The following HERC4 variants were observed in gnomAD, a reference collection of about 807,000 sequenced individuals.
The protein encoded by HERC4 is probable E3 ubiquitin-protein ligase HERC4.
Under a neutral mutation model 124.3 loss-of-function variants are expected in HERC4, and 28 were observed. That is an observed-to-expected ratio of 0.23 (90% CI 0.17 to 0.31). The LOEUF is 0.31. Among genes scored for constraint, HERC4 ranks in the 10% least tolerant of loss-of-function variants. The pLI is 1.00. For missense variants in HERC4, 713 were observed against 1,229.3 expected, an observed-to-expected ratio of 0.58 and a Z score of 6.28; for synonymous variants, 407 against 421.5, an observed-to-expected ratio of 0.97 and a Z score of 0.42.
chr10:67,958,610 A>C (rs1589180859), intron 16 of HERC4, among the ~76,000 whole-genome samples: 1 of 152,362 alleles, frequency 6.6e-6, no homozygotes, highest in Non-Finnish European at 1.5e-5. Context: ...AGGGTTGTTG[A>C]TTACTTAAAC....
At chr10:67,977,899 T>C (rs2035690307) in intron 15 of HERC4, among the ~76,000 whole-genome samples, 2 of 151,964 alleles carry the variant, frequency 1.3e-5, no homozygotes, top group Non-Finnish European at 2.9e-5. Flanking sequence ...GAGGACTGCT[T>C]GAGCCTGGGA....
At chr10:67,962,571 G>C (rs1471176703) in intron 16 of HERC4, among the ~76,000 whole-genome samples, 3 of 151,940 alleles carry the variant, frequency 2.0e-5, no homozygotes, top group Non-Finnish European at 2.9e-5. Context: ...GAGATGATTA[G>C]ACATTAGGTA....
Position 68,072,869 on chromosome 10 carries a change from A to G in HERC4, c.226+14T>C. ...TTATTAAAAATAGCAAATTTTAAAA[A>G]CATTTCAACTTACCTGGTTTCTTTC... On this transcript the variant is annotated intron_variant, in intron 3 of 24. Coordinates refer to ENST00000373700, the MANE Select transcript of HERC4 (RefSeq NM_015601.4). 9 of 1,520,784 alleles carry G rather than the reference A, an allele frequency of 5.9e-6. No homozygotes were observed. Among genetic ancestry groups the G allele is most frequent in the Non-Finnish European group, 8.0e-6 (9 of 1,129,950 alleles). 94.2% of individuals were successfully genotyped at this position (1,520,784 alleles called of 1,614,324 possible).
At chr10:67,954,885 A>G in intron 18 of HERC4, 78 bp downstream of exon 18, 1 of 1,376,054 alleles carries the variant, frequency 7.3e-7, no homozygotes, top group Non-Finnish European at 9.7e-7. Flanking sequence ...TAAAAGATTC[A>G]CTAAAAACAA....
rs762244426 is a variant in HERC4, at chr10:68,073,004, C to T, written c.105G>A (p.Arg35=). 2.5e-6 allele frequency: 4 copies of T among 1,613,786 alleles called. No individual in the cohort carries two copies. The East Asian group carries it at 8.9e-5, about 36-fold the overall frequency. The change falls in exon 3 of 25, where the codon AGG becomes AGA. Residue 35 remains arginine, a synonymous_variant. Coordinates refer to ENST00000373700, the MANE Select transcript of HERC4 (RefSeq NM_015601.4). The stretch of plus-strand genomic sequence containing the variant: ...TGAGTCCACATCCTACATCTCGGAC[C>T]CTTTTATTTATAAAGAAGTCACTTT... The part of the protein sequence containing the change: ...PRKSDFFINK[R]VRDVGCGLRH...
intron 19 of HERC4, among the ~76,000 whole-genome samples, chr10:67,950,830 A>AACT (rs1360076686): frequency 6.6e-6 from 1 of 152,178 alleles, no homozygotes; most frequent in African/African-American, 2.4e-5. Flanking sequence ...AACCCAGTAG[A>AACT]ACTACTGACT....
chr10:67,981,903 T>C (rs2035955391), intron 15 of HERC4, among the ~76,000 whole-genome samples: 2 of 152,104 alleles, frequency 1.3e-5, no homozygotes, highest in African/African-American at 4.8e-5. Context: ...ATCAGGCCAC[T>C]GTACTTACTC....
At chr10:67,985,069 T>C (rs987763776) in intron 15 of HERC4, among the ~76,000 whole-genome samples, 2 of 152,202 alleles carry the variant, frequency 1.3e-5, no homozygotes, top group African/African-American at 4.8e-5. Context: ...AAAAATAATA[T>C]ATTCGCATAG....
chr10:67,945,202 C>G (rs1241909423), intron 19 of HERC4, among the ~76,000 whole-genome samples: 1 of 149,708 alleles, frequency 6.7e-6, no homozygotes, highest in Non-Finnish European at 1.5e-5. Context: ...ATCCTGAAAG[C>G]AGCAAGAGAA....
intron 9 of HERC4, among the ~76,000 whole-genome samples, chr10:68,013,765 T>C (rs888365601): frequency 1.3e-5 from 2 of 152,180 alleles, no homozygotes; most frequent in African/African-American, 4.8e-5. Flanking sequence ...ACAAAAAACC[T>C]CCCTCCCACT....
At chr10:68,043,660 C>A (rs1302984862) in intron 4 of HERC4, among the ~76,000 whole-genome samples, 12 of 151,888 alleles carry the variant, frequency 7.9e-5, no homozygotes. Flanking sequence ...ACTAAAAATA[C>A]AAAAAATTAG....
At chr10:67,971,896 A>G (rs2035256054) in intron 15 of HERC4, among the ~76,000 whole-genome samples, 1 of 152,174 alleles carries the variant, frequency 6.6e-6, no homozygotes, top group South Asian at 2.1e-4. Context: ...TCATAGGGTA[A>G]AAGGCCAACA....
intron 15 of HERC4, among the ~76,000 whole-genome samples, chr10:67,985,015 GAT>G (rs1449055678): frequency 2.0e-5 from 3 of 152,142 alleles, no homozygotes; most frequent in Non-Finnish European, 2.9e-5. Context: ...ATATCTTGCT[GAT>G]ATGATATATA....
intron 9 of HERC4, among the ~76,000 whole-genome samples, chr10:67,995,815 TTA>T (rs2036839867): frequency 6.6e-6 from 1 of 152,206 alleles, no homozygotes; most frequent in Non-Finnish European, 1.5e-5. Flanking sequence ...TTTAATTCAT[TTA>T]TAGTTTATCT....
intron 3 of HERC4, among the ~76,000 whole-genome samples, chr10:68,052,328 C>G (rs561952337): frequency 2.6e-5 from 4 of 152,156 alleles, no homozygotes; most frequent in Admixed American, 2.0e-4. Context: ...ATCATTTTAC[C>G]GAGGAGAAAG....
In HERC4 at chr10:68,073,153, T is replaced by C; in HGVS notation, c.-45A>G. 6.5e-7 allele frequency: 1 copy of C among 1,533,168 alleles called. No individual in the cohort carries two copies. Among genetic ancestry groups the C allele is most frequent in the Non-Finnish European group, 8.9e-7 (1 of 1,120,380 alleles). The allele number at this position is 1,533,168 out of a possible 1,614,324, so 95.0% of individuals were successfully genotyped here. On this transcript the variant is annotated 5_prime_UTR_variant, in exon 3 of 25. Coordinates refer to ENST00000373700, the MANE Select transcript of HERC4 (RefSeq NM_015601.4). ...TTCCAGTTTCAATAAAAAATTCTCT[T>C]CTGAAACCCCGGAAAGTTGGAGGTA...
chr10:68,047,025 T>C (rs2040047045), intron 3 of HERC4, among the ~76,000 whole-genome samples: 1 of 152,004 alleles, frequency 6.6e-6, no homozygotes, highest in South Asian at 2.1e-4. Flanking sequence ...GAAAACTAGC[T>C]AAGTCCTGAG....
chr10:68,059,592 T>TTATATATCATAATATTATATATCATAA (rs2040786338), intron 3 of HERC4, among the ~76,000 whole-genome samples: 1 of 99,274 alleles, frequency 1.0e-5, no homozygotes, highest in Non-Finnish European at 1.8e-5. Context: ...ATATATCATA[T>TTATATATCATAATATTATATATCATAA]TATATATCAT....
At chr10:67,996,016 T>C (rs1036223921) in intron 9 of HERC4, 2 of 311,512 alleles carry the variant, frequency 6.4e-6, no homozygotes, top group Non-Finnish European at 1.3e-5. Context: ...GTCCTTAAAA[T>C]TCCTCTCCGC....
Sources: gnomAD v4.1 joint callset for allele counts (sites outside exome capture counted in the v4.1 genomes callset) on GRCh38, gnomAD v4.1.1 for gene constraint, MANE v1.5 for transcripts, NCBI Gene and HGNC (gene_info 2026-07-23, HGNC 2026-07-21) for gene names.